PGS1: variants seen among roughly 807,000 people sequenced by gnomAD.
PGS1 encodes the protein phosphatidylglycerophosphate synthase 1, also known as CDP-diacylglycerol--glycerol-3-phosphate 3-phosphatidyltransferase, mitochondrial.
A neutral mutation model predicts 58.3 loss-of-function variants in PGS1; 44 were observed. The ratio of observed to expected loss-of-function variants is 0.75; its 90% CI spans 0.59 to 0.97. The LOEUF is 0.97. Among genes scored for constraint, PGS1 ranks in the 50% least tolerant of loss-of-function variants. PGS1 has a pLI of 0.00. For missense variants in PGS1, 684 were observed against 731.1 expected (o/e 0.94, Z 0.74); for synonymous variants, 330 against 311.0 (o/e 1.06, Z -0.64).
intron 2 of PGS1, among the ~76,000 whole-genome samples, chr17:78,393,190 A>G (rs1362538694): frequency 6.6e-6 from 1 of 151,654 alleles, no homozygotes; most frequent in Non-Finnish European, 1.5e-5. Flanking sequence ...CCTCCCGCAT[A>G]GCTGGGACTA....
intron 2 of PGS1, among the ~76,000 whole-genome samples, chr17:78,393,994 G>C (rs989500099): frequency 1.3e-5 from 2 of 151,746 alleles, no homozygotes; most frequent in Non-Finnish European, 2.9e-5. Context: ...GAACAGCCTC[G>C]TCAACGTGGT....
intron 7 of PGS1, among the ~76,000 whole-genome samples, chr17:78,406,335 A>AT (rs1416209879): frequency 2.0e-5 from 3 of 152,082 alleles, no homozygotes; most frequent in African/African-American, 7.2e-5. Context: ...GAAAAAAAAA[A>AT]CTGAAGCCCA....
chr17:78,380,234 T>C (rs745796358), intron 1 of PGS1, among the ~76,000 whole-genome samples: 7 of 152,190 alleles, frequency 4.6e-5, no homozygotes, highest in Non-Finnish European at 1.0e-4. Flanking sequence ...CTGCTTCCTT[T>C]AGTTGAGGTT....
At chr17:78,409,231 C>A (rs773852012) in intron 7 of PGS1, among the ~76,000 whole-genome samples, 1 of 152,258 alleles carries the variant, frequency 6.6e-6, no homozygotes, top group Admixed American at 6.5e-5. Context: ...CTCTGCCCTC[C>A]GGCGTGCATT....
At chr17:78,423,372 T>TAA (rs2086120225) in intron 9 of PGS1, among the ~76,000 whole-genome samples, 2 of 152,252 alleles carry the variant, frequency 1.3e-5, no homozygotes, top group Non-Finnish European at 2.9e-5. Context: ...TCCTTACTTG[T>TAA]AAAAGGTCCT....
chr17:78,379,690 G>C (rs2081898623), intron 1 of PGS1, among the ~76,000 whole-genome samples: 1 of 151,860 alleles, frequency 6.6e-6, no homozygotes, highest in South Asian at 2.1e-4. Flanking sequence ...GGGCATGGTG[G>C]TGCATGGCTG....
intron 1 of PGS1, among the ~76,000 whole-genome samples, chr17:78,380,659 A>G (rs2081974541): frequency 6.6e-6 from 1 of 152,218 alleles, no homozygotes; most frequent in Non-Finnish European, 1.5e-5. Flanking sequence ...GTTTCAAAAA[A>G]ATGTTCTACC....
chr17:78,423,895 G>T (rs1373182922), intron 9 of PGS1, 166 bp from the exon 10 acceptor site: 1 of 1,613,632 alleles, frequency 6.2e-7, no homozygotes, highest in Non-Finnish European at 8.5e-7. Flanking sequence ...GGGCTGTGAG[G>T]CAGGAGCGAG....
chr17:78,403,720 C>G lies in PGS1; in HGVS notation c.1033C>G (p.Pro345Ala). The G allele has an allele frequency of 6.2e-7, 1 of 1,614,246 alleles. No homozygotes were observed. The highest frequency in any genetic ancestry group is 8.5e-7 in the Non-Finnish European group (1 of 1,180,050). The change falls in exon 7 of 10, where the codon CCA (proline) becomes GCA (alanine). Residue 345 changes from proline to alanine, a missense_variant. By Grantham distance (27) the Pro-to-Ala change is conservative. Transcript: ENST00000262764. ...EDAAAAGDRRPAPDTWIYPLI... is the reference protein window; with the variant it reads ...EDAAAAGDRRAAPDTWIYPLI... The stretch of plus-strand genomic sequence containing the variant: ...TGCAGCAGCTGCTGGGGATCGCAGA[C>G]CAGCCCCTGACACCTGGATTTATCC...
chr17:78,397,500 G>A (rs1256462649), intron 3 of PGS1, among the ~76,000 whole-genome samples: 7 of 151,770 alleles, frequency 4.6e-5, no homozygotes, highest in Non-Finnish European at 8.8e-5. Context: ...GCAATGGCGC[G>A]ATCTCGGCTT....
chr17:78,404,969 G>C (rs2084001135), intron 7 of PGS1, among the ~76,000 whole-genome samples: 1 of 147,594 alleles, frequency 6.8e-6, no homozygotes, highest in Non-Finnish European at 1.5e-5. Context: ...CCTTAGCCTT[G>C]TGTTGATTGT....
intron 6 of PGS1, among the ~76,000 whole-genome samples, chr17:78,401,633 A>G (rs930151746): frequency 6.6e-6 from 1 of 152,042 alleles, no homozygotes; most frequent in Non-Finnish European, 1.5e-5. Context: ...CCTAGAATGG[A>G]AGCATTTCAG....
rs568489765 is a variant in PGS1, at chr17:78,403,688, A to T, written c.1001A>T (p.Gln334Leu). Residue 334 changes from glutamine (Q) to leucine (L), a missense_variant, in exon 7 of 10, where the codon CAG becomes CTG. Transcript: ENST00000262764. Reference protein sequence around the residue: ...QTFHSNSLLTQEDAAAAGDRR... With the variant: ...QTFHSNSLLTLEDAAAAGDRR... The stretch of plus-strand genomic sequence containing the variant: ...TTCCACAGCAACTCTCTTTTGACCC[A>T]GGAAGATGCAGCAGCTGCTGGGGAT... The T allele has an allele frequency of 1.2e-6, 2 of 1,614,200 alleles. No individual in the cohort carries two copies. Among genetic ancestry groups the T allele is most frequent in the East Asian group, 2.2e-5 (1 of 44,888 alleles).
At chr17:78,395,105 G>A (rs1361054900) in intron 2 of PGS1, among the ~76,000 whole-genome samples, 9 of 152,210 alleles carry the variant, frequency 5.9e-5, no homozygotes, top group Non-Finnish European at 1.3e-4. Flanking sequence ...CGAGTAGCAC[G>A]TGTTTCTTCC....
chr17:78,405,205 C>A (rs183114976), intron 7 of PGS1, among the ~76,000 whole-genome samples: 1 of 150,756 alleles, frequency 6.6e-6, no homozygotes, highest in Non-Finnish European at 1.5e-5. Flanking sequence ...ACCATGTTGG[C>A]CAGGCTGGTC....
intron 2 of PGS1, 41 bp from the exon 3 acceptor site, chr17:78,396,267 A>G (rs1045681987): frequency 1.3e-6 from 2 of 1,495,292 alleles, no homozygotes; most frequent in Admixed American, 1.7e-5. Context: ...GTGAACCATG[A>G]AAATGATGAA....
Position 78,423,988 on chromosome 17 carries a change from T to A in PGS1, c.*11-73T>A, listed in dbSNP as rs746936275. 38 of 1,613,844 alleles carry A rather than the reference T, an allele frequency of 2.4e-5. No homozygotes were observed. The South Asian group carries it at 3.8e-4, about 16-fold the overall frequency. On this transcript the variant is annotated intron_variant, in intron 9 of 9. Coordinates refer to ENST00000262764, the MANE Select transcript of PGS1 (RefSeq NM_024419.5). ...GGTCTTCAAGTTAAAGGTCCAGACA[T>A]AGGTGGGGCCGCGGATGCGTGTTTT...
chr17:78,419,539 TCCTC>T lies in PGS1; in HGVS notation c.1552-6_1552-3del. The T allele has an allele frequency of 6.2e-7, 1 of 1,613,290 alleles. No homozygotes were observed. Among genetic ancestry groups the T allele is most frequent in the Non-Finnish European group, 8.5e-7 (1 of 1,179,456 alleles). On this transcript the variant is annotated splice_region_variant and splice_polypyrimidine_tract_variant and intron_variant, in intron 8 of 9. Coordinates refer to ENST00000262764, the MANE Select transcript of PGS1 (RefSeq NM_024419.5). The stretch of plus-strand genomic sequence containing the variant: ...CCTCACTATTCCTGTCTGTTCCTCT[TCCTC>T]AGGAGCAAGAGCAGCTCTACCTGAG...
intron 7 of PGS1, among the ~76,000 whole-genome samples, chr17:78,405,976 T>C (rs2084104266): frequency 6.6e-6 from 1 of 152,212 alleles, no homozygotes; most frequent in African/African-American, 2.4e-5. Flanking sequence ...TTTTTGTTTT[T>C]GTTTTCTTTA....
Sources: allele counts gnomAD v4.1 joint callset (sites outside exome capture counted in the v4.1 genomes callset), GRCh38; gene constraint gnomAD v4.1.1; transcripts MANE v1.5; gene names NCBI Gene and HGNC (gene_info 2026-07-23, HGNC 2026-07-21).